The following TULP4 variants were observed in gnomAD, a reference collection of about 807,000 sequenced individuals.
TULP4 encodes TUB like protein 4, also known as tubby-related protein 4.
TULP4 carries 16 observed loss-of-function variants against 129.0 expected under a neutral mutation model. The ratio of observed to expected loss-of-function variants is 0.12; its 90% confidence interval spans 0.08 to 0.19. The LOEUF (loss-of-function observed/expected upper bound fraction) is 0.19. Ranked by LOEUF, TULP4 falls within the 10% of genes least tolerant of loss-of-function variation. The pLI, the probability that TULP4 is intolerant of heterozygous loss-of-function variation, is 1.00. For missense variants in TULP4, 1,842 were observed against 2,059.1 expected, an observed-to-expected ratio of 0.89 and a Z score of 2.04; for synonymous variants, 998 against 854.0, an observed-to-expected ratio of 1.17 and a Z score of -2.94.
chr6:158,305,490 A>G (rs1327798746), intron 1 of TULP4, among the ~76,000 whole-genome samples: 1 of 151,830 alleles, frequency 6.6e-6, no homozygotes, highest in African/African-American at 2.4e-5. Flanking sequence ...GCCTGAGCCC[A>G]GGAGTTTGAG....
intron 1 of TULP4, chr6:158,237,595 T>C: frequency 6.7e-7 from 1 of 1,489,170 alleles, no homozygotes; most frequent in Non-Finnish European, 9.3e-7. Context: ...TCTTCCCTGG[T>C]AGAAAGAACA....
rs1562589295 is a variant in TULP4 at position 158,491,499 on chromosome 6, TCTTTCTTTCTTTCTTTC to T, written c.1631+1768_1631+1784del. On this transcript the variant is annotated intron_variant, in intron 9 of 13. Coordinates refer to ENST00000367097, the MANE Select transcript of TULP4 (RefSeq NM_020245.5). ...TTCTTTCTTTCTTTCTTTCTTTCTT[TCTTTCTTTCTTTCTTTC>T]TTGTCTCGCTCTGTTGCCCAGGCTG... is the stretch of plus-strand genomic sequence containing the variant. Among the ~76,000 whole-genome samples the T allele has an allele frequency of 2.4e-3, 90 of 38,046 alleles. 1 individual carries two copies. Among genetic ancestry groups the T allele is most frequent in the Middle Eastern group, 0.011 (1 of 94 alleles). 25.0% of individuals were successfully genotyped at this position (38,046 alleles called of 152,430 possible).
At chr6:158,440,819 T>C (rs1009738816) in intron 3 of TULP4, among the ~76,000 whole-genome samples, 1 of 152,206 alleles carries the variant, frequency 6.6e-6, no homozygotes, top group African/African-American at 2.4e-5. Flanking sequence ...TGGAATAAAA[T>C]ATGTTTCTTT....
At chr6:158,232,596 CGGGCGTGCGTGTGGGGTG>C (rs1019792064) in intron 1 of TULP4, among the ~76,000 whole-genome samples, 21 of 152,012 alleles carry the variant, frequency 1.4e-4, no homozygotes, top group African/African-American at 4.8e-4. Context: ...GAGCGCGGGG[CGGGCGTGCGTGTGGGGTG>C]GTGCGTGTGG....
Position 158,299,381 on chromosome 6 carries a change from C to T in TULP4, n.117-12670C>T, listed in dbSNP as rs142109440. Among the ~76,000 whole-genome samples the T allele has an allele frequency of 5.0e-3, 756 of 152,176 alleles. 9 individuals carry two copies. The highest frequency in any genetic ancestry group is 0.018 in the African/African-American group (727 of 41,488). On this transcript the variant is annotated intron_variant and non_coding_transcript_variant, in intron 1 of 1. Transcript: ENST00000432358. ...TGCATGTGAATTAACACAATCTTCC[C>T]AAATTAAAGTTTTAGATGGGCCCTC...
At chr6:158,443,981 G>A (rs369217421) in intron 3 of TULP4, among the ~76,000 whole-genome samples, 1,795 of 151,972 alleles carry the variant, frequency 0.012, 33 homozygotes, top group African/African-American at 0.038. Flanking sequence ...GCACTTTGGG[G>A]GGCCAGGGTG....
At chr6:158,356,580 A>G (rs1780652243) in intron 1 of TULP4, among the ~76,000 whole-genome samples, 1 of 152,126 alleles carries the variant, frequency 6.6e-6, no homozygotes, top group South Asian at 2.1e-4. Flanking sequence ...GGCCAGAAAA[A>G]TGGGCAGTTA....
chr6:158,366,772 C>A (rs1295001257), intron 1 of TULP4, among the ~76,000 whole-genome samples: 2 of 152,196 alleles, frequency 1.3e-5, no homozygotes, highest in Admixed American at 6.5e-5. Context: ...TACGTAAAAC[C>A]TGAACTCACA....
At chr6:158,471,297 AAGTGAGAGTC>A (rs1779676862) in intron 6 of TULP4, among the ~76,000 whole-genome samples, 1 of 152,218 alleles carries the variant, frequency 6.6e-6, no homozygotes, top group African/African-American at 2.4e-5. Flanking sequence ...CCGGATAATA[AAGTGAGAGTC>A]AGTGATGTCC....
At chr6:158,240,341 G>A (rs1583666020) in intron 1 of TULP4, among the ~76,000 whole-genome samples, 1 of 76,686 alleles carries the variant, frequency 1.3e-5, no homozygotes, top group African/African-American at 4.5e-5. Context: ...GGCCGGGCGG[G>A]GGGCTGACTC....
At chr6:158,294,658 C>T (rs1778998514) in intron 1 of TULP4, among the ~76,000 whole-genome samples, 1 of 152,022 alleles carries the variant, frequency 6.6e-6, no homozygotes, top group African/African-American at 2.4e-5. Context: ...GGAAATTCTC[C>T]TCCTCCTCCT....
intron 11 of TULP4, among the ~76,000 whole-genome samples, chr6:158,497,441 C>T (rs1044328466): frequency 6.6e-6 from 1 of 152,202 alleles, no homozygotes; most frequent in Non-Finnish European, 1.5e-5. Context: ...TAACAATACA[C>T]AGTAGATTCT....
chr6:158,494,864 T>C lies in TULP4; in HGVS notation c.1870+18T>C, dbSNP rs779831881. The C allele has an allele frequency of 2.5e-6, 4 of 1,608,872 alleles. No individual in the cohort carries two copies. The Admixed American group carries it at 6.7e-5, about 27-fold the overall frequency. ...CGGTGCAGGTAAAAATCATGTCCTC[T>C]TCTCTCATTGTCCCAGTTGGAACAA... On this transcript the variant is annotated intron_variant, in intron 11 of 13. Transcript: ENST00000367097.
At chr6:158,388,038 A>G (rs1170923853) in intron 1 of TULP4, among the ~76,000 whole-genome samples, 1 of 152,144 alleles carries the variant, frequency 6.6e-6, no homozygotes, top group Non-Finnish European at 1.5e-5. Flanking sequence ...TAGAACAGCT[A>G]ATCAGTTCTA....
chr6:158,272,839 T>A (rs1352310486), intron 1 of TULP4, among the ~76,000 whole-genome samples: 2 of 152,242 alleles, frequency 1.3e-5, no homozygotes, highest in Admixed American at 6.5e-5. Flanking sequence ...TGTGTAGTTC[T>A]CAATACATAC....
rs187783741 is a variant in TULP4, at chr6:158,483,647, T to C, written c.1486+2358T>C. Reference sequence around the variant, plus strand: ...TTATCATTAAAAGCTGATTAACTCATTGAGGCCGCCATATCATTGTTTCTC... The same window carrying C: ...TTATCATTAAAAGCTGATTAACTCACTGAGGCCGCCATATCATTGTTTCTC... On this transcript the variant is annotated intron_variant, in intron 8 of 13. Transcript: ENST00000367097. Among the ~76,000 whole-genome samples, 7 of 152,300 alleles carry C rather than the reference T, an allele frequency of 4.6e-5. No homozygotes were observed. In the East Asian group the frequency reaches 1.2e-3, roughly 25 times the overall value.
At chr6:158,417,429 T>C (rs1778234762) in intron 2 of TULP4, among the ~76,000 whole-genome samples, 1 of 152,218 alleles carries the variant, frequency 6.6e-6, no homozygotes, top group Non-Finnish European at 1.5e-5. Context: ...ACTAAAGTAA[T>C]TACTGTATGT....
intron 3 of TULP4, among the ~76,000 whole-genome samples, chr6:158,433,712 A>G (rs1400038974): frequency 6.6e-6 from 1 of 152,222 alleles, no homozygotes; most frequent in Non-Finnish European, 1.5e-5. Flanking sequence ...GTCTCAAAAA[A>G]AAGTTATTTT....
intron 3 of TULP4, among the ~76,000 whole-genome samples, chr6:158,433,026 A>G (rs1340283958): frequency 1.3e-5 from 2 of 152,252 alleles, no homozygotes; most frequent in East Asian, 1.9e-4. Context: ...TTATTTCCCT[A>G]ATTGTTACAG....
Sources: allele counts gnomAD v4.1 joint callset (sites outside exome capture counted in the v4.1 genomes callset), GRCh38; gene constraint gnomAD v4.1.1; transcripts MANE v1.5; gene names NCBI Gene and HGNC (gene_info 2026-07-23, HGNC 2026-07-21).